The following SPAG16 variants were observed in gnomAD, a reference collection of about 807,000 sequenced individuals.
The protein encoded by SPAG16 is sperm-associated antigen 16 protein.
Under a neutral mutation model 80.4 loss-of-function variants are expected in SPAG16, and 86 were observed. The ratio of observed to expected loss-of-function variants is 1.07; its 90% CI spans 0.90 to 1.28. SPAG16 has a LOEUF of 1.28. SPAG16 is among the 50% of genes most tolerant of loss of function. SPAG16 has a pLI of 0.00. For synonymous variants in SPAG16, 294 were observed against 265.9 expected (o/e 1.11, Z -1.03); for missense variants, 870 against 765.3 (o/e 1.14, Z -1.61).
intron 10 of SPAG16, among the ~76,000 whole-genome samples, chr2:213,621,372 C>A (rs570744980): frequency 2.6e-5 from 4 of 152,200 alleles, no homozygotes; most frequent in Non-Finnish European, 4.4e-5. Flanking sequence ...AAACAATACA[C>A]ATCACAAATA....
intron 15 of SPAG16, among the ~76,000 whole-genome samples, chr2:214,384,269 C>T (rs1262004709): frequency 3.9e-5 from 6 of 152,076 alleles, no homozygotes; most frequent in Admixed American, 3.9e-4. Context: ...TGCTTTTTCC[C>T]CAATCATTTT....
At chr2:214,259,467 G>A (rs1050034064) in intron 15 of SPAG16, among the ~76,000 whole-genome samples, 17 of 129,290 alleles carry the variant, frequency 1.3e-4, no homozygotes, top group Admixed American at 2.8e-4. Context: ...ACACACACAC[G>A]TATAGCTTTT....
chr2:213,560,027 A>G (rs1278296706), intron 10 of SPAG16, among the ~76,000 whole-genome samples: 1 of 152,108 alleles, frequency 6.6e-6, no homozygotes, highest in Non-Finnish European at 1.5e-5. Flanking sequence ...CCCAGCCTGG[A>G]TATGGATACA....
At position 214,188,682 on chromosome 2, in the gene SPAG16, TATA is replaced by T. The variant is rs1281264062; in HGVS notation, c.1720+39417_1720+39419del. 5.9e-5 allele frequency among the ~76,000 whole-genome samples: 9 copies of T among 152,168 alleles called. No individual in the cohort carries two copies. The East Asian group carries it at 1.7e-3, about 29-fold the overall frequency. ...TTACTTCTAAGTCTCTTCCTATCCT[TATA>T]TTTACCTGCTGTGGTTCTGAATACT... On this transcript the variant is annotated intron_variant, in intron 15 of 15. Transcript: ENST00000331683.
intron 9 of SPAG16, among the ~76,000 whole-genome samples, chr2:213,413,787 C>T (rs577317935): frequency 6.6e-6 from 1 of 152,284 alleles, no homozygotes; most frequent in Admixed American, 6.5e-5. Flanking sequence ...GATCTGACTA[C>T]ATCATCATTA....
intron 15 of SPAG16, among the ~76,000 whole-genome samples, chr2:214,289,182 A>C (rs553377686): frequency 1.6e-4 from 24 of 152,266 alleles, no homozygotes; most frequent in African/African-American, 5.8e-4. Flanking sequence ...ATTTTCTCCC[A>C]TTCAACAGGT....
chr2:213,296,762 A>G (rs890596281), intron 2 of SPAG16, among the ~76,000 whole-genome samples: 9 of 152,214 alleles, frequency 5.9e-5, no homozygotes, highest in Admixed American at 1.3e-4. Flanking sequence ...TAATAAATGT[A>G]AAAGGCCTAA....
chr2:213,803,144 T>A (rs1418621118), intron 10 of SPAG16, among the ~76,000 whole-genome samples: 1 of 152,148 alleles, frequency 6.6e-6, no homozygotes, highest in Non-Finnish European at 1.5e-5. Flanking sequence ...AAGAAATGTA[T>A]GTATCCTACA....
intron 10 of SPAG16, among the ~76,000 whole-genome samples, chr2:213,505,594 G>C (rs1054624002): frequency 6.6e-6 from 1 of 152,050 alleles, no homozygotes; most frequent in Non-Finnish European, 1.5e-5. Context: ...ACATAATTAC[G>C]TACAACTTGT....
chr2:214,248,960 A>G (rs1272165573), intron 15 of SPAG16, among the ~76,000 whole-genome samples: 2 of 152,234 alleles, frequency 1.3e-5, no homozygotes, highest in Non-Finnish European at 2.9e-5. Flanking sequence ...TTTTAAGGCA[A>G]GAATAGTTTT....
intron 10 of SPAG16, among the ~76,000 whole-genome samples, chr2:213,677,962 A>T (rs376865010): frequency 2.6e-5 from 4 of 151,772 alleles, no homozygotes; most frequent in African/African-American, 9.7e-5. Context: ...GGATTAAGAA[A>T]CTCACTCAAA....
At chr2:214,310,836 T>C (rs751188841) in intron 15 of SPAG16, among the ~76,000 whole-genome samples, 18 of 152,196 alleles carry the variant, frequency 1.2e-4, no homozygotes, top group Non-Finnish European at 2.5e-4. Context: ...GCAGAACCTC[T>C]TCCCCCAACA....
chr2:213,824,616 A>C (rs1173459881), intron 10 of SPAG16, among the ~76,000 whole-genome samples: 1 of 152,152 alleles, frequency 6.6e-6, no homozygotes, highest in East Asian at 1.9e-4. Flanking sequence ...TTTTTATGCC[A>C]GTACCATGCT....
chr2:213,743,053 G>A (rs539351762), intron 10 of SPAG16, among the ~76,000 whole-genome samples: 60 of 150,746 alleles, frequency 4.0e-4, no homozygotes, highest in African/African-American at 1.3e-3. Flanking sequence ...ACAGGCGCCC[G>A]CCACCACGCC....
chr2:213,701,947 C>G (rs2065446319), intron 10 of SPAG16, among the ~76,000 whole-genome samples: 1 of 152,096 alleles, frequency 6.6e-6, no homozygotes, highest in Non-Finnish European at 1.5e-5. Context: ...CTAGTGGGGA[C>G]TTGGAGAACT....
At position 213,896,819 on chromosome 2, in the gene SPAG16, G is replaced by A. The variant is rs919122273; in HGVS notation, c.1215-33141G>A. Reference sequence around the variant, plus strand: ...TTCTCACATGTTCTCACTGTCTTATGTTAAAGCCAAACACATGTTCTTACT... The same window carrying A: ...TTCTCACATGTTCTCACTGTCTTATATTAAAGCCAAACACATGTTCTTACT... On this transcript the variant is annotated intron_variant, in intron 11 of 15. Transcript: ENST00000331683. Among the ~76,000 whole-genome samples the A allele has an allele frequency of 3.3e-5, 5 of 152,052 alleles. No homozygotes were observed. The East Asian group carries it at 9.7e-4, about 29-fold the overall frequency.
At chr2:213,822,027 T>C (rs2072974836) in intron 10 of SPAG16, among the ~76,000 whole-genome samples, 1 of 152,198 alleles carries the variant, frequency 6.6e-6, no homozygotes, top group African/African-American at 2.4e-5. Context: ...GCAGATATTT[T>C]TTCCATATAC....
chr2:213,473,301 C>T (rs1397309900), intron 9 of SPAG16, among the ~76,000 whole-genome samples: 1 of 152,166 alleles, frequency 6.6e-6, no homozygotes, highest in East Asian at 1.9e-4. Flanking sequence ...CACTTGGTCC[C>T]TGCCATCTCA....
intron 10 of SPAG16, among the ~76,000 whole-genome samples, chr2:213,756,147 A>G (rs761599118): frequency 1.2e-4 from 18 of 152,104 alleles, no homozygotes; most frequent in Admixed American, 2.0e-4. Flanking sequence ...ATATTTAAAC[A>G]TAAGTAATTT....
Sources: gnomAD v4.1 joint callset for allele counts (sites outside exome capture counted in the v4.1 genomes callset) on GRCh38, gnomAD v4.1.1 for gene constraint, MANE v1.5 for transcripts, NCBI Gene and HGNC (gene_info 2026-07-23, HGNC 2026-07-21) for gene names.